The following RASAL2 variants were observed in gnomAD, a reference collection of about 807,000 sequenced individuals.
RASAL2 encodes ras GTPase-activating protein nGAP.
Under a neutral mutation model 128.9 loss-of-function variants are expected in RASAL2, and 58 were observed. That is an observed-to-expected ratio of 0.45 (90% CI 0.36 to 0.56). RASAL2 has a LOEUF of 0.56. Among genes scored for constraint, RASAL2 ranks in the 20% least tolerant of loss-of-function variants. The pLI is 0.00. For synonymous variants in RASAL2, 561 were observed against 580.8 expected (o/e 0.97, Z 0.49); for missense variants, 1,360 against 1,601.6 (o/e 0.85, Z 2.57).
intron 9 of RASAL2, among the ~76,000 whole-genome samples, chr1:178,448,242 A>G (rs1677147032): frequency 6.6e-6 from 1 of 152,220 alleles, no homozygotes; most frequent in South Asian, 2.1e-4. Context: ...CCTAGATACC[A>G]ATAGAGAAGA....
At chr1:178,450,481 A>T (rs1349641285) in intron 9 of RASAL2, among the ~76,000 whole-genome samples, 1 of 151,994 alleles carries the variant, frequency 6.6e-6, no homozygotes, top group African/African-American at 2.4e-5. Context: ...TTTTCCTCAA[A>T]ATTATCGCTT....
intron 1 of RASAL2, among the ~76,000 whole-genome samples, chr1:178,200,056 G>T (rs1392689248): frequency 6.6e-6 from 1 of 152,130 alleles, no homozygotes; most frequent in East Asian, 1.9e-4. Flanking sequence ...CTTGCAGACG[G>T]CCTATTATGG....
At chr1:178,295,943 A>G (rs543117646) in intron 2 of RASAL2, among the ~76,000 whole-genome samples, 6 of 152,132 alleles carry the variant, frequency 3.9e-5, no homozygotes, top group South Asian at 2.1e-4. Context: ...GTACTTGACT[A>G]TCTGTTTAAT....
At chr1:178,447,580 A>G (rs1377764027) in intron 9 of RASAL2, among the ~76,000 whole-genome samples, 1 of 146,630 alleles carries the variant, frequency 6.8e-6, no homozygotes, top group African/African-American at 2.5e-5. Context: ...CTGAGGCAGG[A>G]GAATTGCTTG....
At chr1:178,214,923 A>T (rs1663376582) in intron 1 of RASAL2, among the ~76,000 whole-genome samples, 1 of 152,212 alleles carries the variant, frequency 6.6e-6, no homozygotes, top group Non-Finnish European at 1.5e-5. Context: ...CCAAGCAGAT[A>T]GCATATTAAA....
At chr1:178,261,052 A>G (rs1386608060) in intron 1 of RASAL2, among the ~76,000 whole-genome samples, 1 of 152,198 alleles carries the variant, frequency 6.6e-6, no homozygotes, top group Non-Finnish European at 1.5e-5. Flanking sequence ...AGGTCATTCT[A>G]TTCATACAGC....
chr1:178,343,539 A>T (rs139463548), intron 3 of RASAL2, among the ~76,000 whole-genome samples: 163 of 152,322 alleles, frequency 1.1e-3, no homozygotes, highest in African/African-American at 3.7e-3. Flanking sequence ...GTGTGTGTAT[A>T]TTATATGATA....
chr1:178,210,089 A>G (rs1271676800), intron 1 of RASAL2, among the ~76,000 whole-genome samples: 1 of 151,614 alleles, frequency 6.6e-6, no homozygotes, highest in African/African-American at 2.4e-5. Context: ...TTCTATTTTT[A>G]TATTTTTCAT....
intron 1 of RASAL2, among the ~76,000 whole-genome samples, chr1:178,239,426 A>T (rs1310449654): frequency 6.6e-6 from 1 of 152,046 alleles, no homozygotes; most frequent in African/African-American, 2.4e-5. Flanking sequence ...CATACTGTAG[A>T]TATATTGTAA....
In RASAL2 at chr1:178,326,265, T is replaced by C. The variant is rs557020155; in HGVS notation, c.457+26147T>C. 2.0e-5 allele frequency among the ~76,000 whole-genome samples: 3 copies of C among 152,238 alleles called. No homozygotes were observed. The East Asian group carries it at 5.8e-4, about 29-fold the overall frequency. On this transcript the variant is annotated intron_variant, in intron 3 of 17. Coordinates refer to ENST00000367649, the MANE Select transcript of RASAL2 (RefSeq NM_170692.4). ...GAAAGAATGAATCATATATCAAAGG[T>C]ATATGGTATCAGTTCCCATCAGGGA...
chr1:178,185,906 A>C (rs982821761), intron 1 of RASAL2, among the ~76,000 whole-genome samples: 2 of 152,176 alleles, frequency 1.3e-5, no homozygotes, highest in African/African-American at 4.8e-5. Flanking sequence ...TCATAGATTG[A>C]ATTAGGAGTG....
rs1163013483 is a variant in RASAL2 at position 178,441,570 on chromosome 1, A to G, written c.850A>G (p.Lys284Glu). Residue 284 changes from lysine (K) to glutamate (E), a missense_variant, in exon 7 of 18, where the codon AAA becomes GAA. This residue lies in a region of RASAL2 where 617 missense variants were observed against 714.2 expected (regional missense o/e 0.86). Transcript: ENST00000367649. ...GAAGGTTACCTACTTAAGTGGAAGTAAATGCTTCAGCTGTAATTCTGCTTC... is the reference window on the plus strand; with the variant it reads ...GAAGGTTACCTACTTAAGTGGAAGTGAATGCTTCAGCTGTAATTCTGCTTC... ...CFEVTYLSGS[K>E]CFSCNSASER... The G allele has an allele frequency of 6.2e-7, 1 of 1,612,396 alleles. No homozygotes were observed. The highest frequency in any genetic ancestry group is 1.3e-5 in the African/African-American group (1 of 74,832).
At chr1:178,249,175 C>G (rs1454743123) in intron 1 of RASAL2, among the ~76,000 whole-genome samples, 2 of 152,012 alleles carry the variant, frequency 1.3e-5, no homozygotes, top group Non-Finnish European at 2.9e-5. Context: ...TTCAGGGACC[C>G]CAATCAAGCA....
At chr1:178,395,291 T>C (rs1180981881) in intron 4 of RASAL2, among the ~76,000 whole-genome samples, 1 of 152,182 alleles carries the variant, frequency 6.6e-6, no homozygotes, top group African/African-American at 2.4e-5. Context: ...AAGCCATTTG[T>C]CTAAATGATT....
intron 3 of RASAL2, among the ~76,000 whole-genome samples, chr1:178,367,381 C>G (rs1351550390): frequency 6.6e-6 from 1 of 152,146 alleles, no homozygotes; most frequent in African/African-American, 2.4e-5. Context: ...AATTGTAAAC[C>G]TCCCCCAGAT....
chr1:178,170,823 C>T (rs770596929), intron 1 of RASAL2, among the ~76,000 whole-genome samples: 3 of 151,726 alleles, frequency 2.0e-5, no homozygotes, highest in African/African-American at 4.8e-5. Flanking sequence ...TACATACCAG[C>T]CCAGGTGCTT....
intron 1 of RASAL2, among the ~76,000 whole-genome samples, chr1:178,140,577 G>A (rs941527934): frequency 5.3e-5 from 8 of 152,164 alleles, no homozygotes; most frequent in African/African-American, 1.2e-4. Flanking sequence ...GAGTCAGACA[G>A]TATGTAGCCT....
rs749516954 is a variant in RASAL2 at position 178,311,602 on chromosome 1, G to A, written c.457+11484G>A. 5.7e-4 allele frequency among the ~76,000 whole-genome samples: 86 copies of A among 152,062 alleles called. 1 individual carries two copies. Among genetic ancestry groups the A allele is most frequent in the Middle Eastern group, 3.4e-3 (1 of 294 alleles). On this transcript the variant is annotated intron_variant, in intron 3 of 17. Transcript: ENST00000367649. Reference sequence around the variant, plus strand: ...AGATACTAGGCAAAATTGAGAACAGGGCATTTTACCACATATGAGGGAATT... The same window carrying A: ...AGATACTAGGCAAAATTGAGAACAGAGCATTTTACCACATATGAGGGAATT...
rs1036241050 is a variant in RASAL2, at chr1:178,451,620, T to C, written c.1677T>C (p.Asp559=). The change falls in exon 10 of 18, where the codon GAT becomes GAC. Residue 559 remains aspartate, a synonymous_variant. Transcript: ENST00000367649. The stretch of plus-strand genomic sequence containing the variant: ...AGTCCGATGAGAACTGTGAAGTGGA[T>C]CCCAGCAAATGTTCATCTAGTGAAC... ...LYESDENCEV[D]PSKCSSSELI... 4 of 1,613,856 alleles carry C rather than the reference T, an allele frequency of 2.5e-6. No individual in the cohort carries two copies. The highest frequency in any genetic ancestry group is 3.4e-6 in the Non-Finnish European group (4 of 1,179,792).
Sources: gnomAD v4.1 joint callset for allele counts (sites outside exome capture counted in the v4.1 genomes callset) on GRCh38, gnomAD v4.1.1 for gene constraint, gnomAD v4.1.1 regional missense constraint, MANE v1.5 for transcripts, NCBI Gene and HGNC (gene_info 2026-07-23, HGNC 2026-07-21) for gene names.